ATP6V1A: variants seen among roughly 807,000 people sequenced by gnomAD.
The protein encoded by ATP6V1A is V-type proton ATPase catalytic subunit A.
Under a neutral mutation model 70.1 loss-of-function variants are expected in ATP6V1A, and 18 were observed. The observed-to-expected ratio is 0.26, with a 90% CI of 0.18 to 0.38. The LOEUF is 0.38. Among genes scored for constraint, ATP6V1A ranks in the 10% least tolerant of loss-of-function variants. The probability of loss-of-function intolerance (pLI) is 1.00; values close to 1 mark genes in which losing one functional copy is unlikely to be tolerated. For missense variants in ATP6V1A, 424 were observed against 772.4 expected (o/e 0.55, Z 5.35); for synonymous variants, 232 against 253.8 (o/e 0.91, Z 0.82).
At chr3:113,769,340 C>T (rs1403369848) in intron 1 of ATP6V1A, among the ~76,000 whole-genome samples, 2 of 152,000 alleles carry the variant, frequency 1.3e-5, no homozygotes, top group Non-Finnish European at 2.9e-5. Flanking sequence ...GGTTATAATC[C>T]ATTAGATTCT....
At chr3:113,808,544 G>A (rs374843801) in intron 14 of ATP6V1A, among the ~76,000 whole-genome samples, 83 of 151,908 alleles carry the variant, frequency 5.5e-4, no homozygotes, top group African/African-American at 1.7e-3. Context: ...CGCCTGCCTC[G>A]GCCCCCCAAA....
chr3:113,789,827 C>G lies in ATP6V1A; in HGVS notation c.975C>G (p.Ala325=), dbSNP rs1709073021. The change falls in exon 8 of 15, where the codon GCC becomes GCG. Residue 325 remains alanine (A), a synonymous_variant. Transcript: ENST00000273398. ...TSNMPVAARE[A]SIYTGITLSE... is the part of the protein sequence containing the mutation. ...ATATGCCTGTTGCTGCTAGAGAAGC[C>G]TCTATTTATACTGGTGAGTATATAA... is the stretch of plus-strand genomic sequence containing the variant. The G allele has an allele frequency of 6.3e-7, 1 of 1,599,978 alleles. No individual in the cohort carries two copies. The highest frequency in any genetic ancestry group is 8.6e-7 in the Non-Finnish European group (1 of 1,167,306).
chr3:113,762,454 G>A (rs898167959), intron 1 of ATP6V1A, among the ~76,000 whole-genome samples: 1 of 152,036 alleles, frequency 6.6e-6, no homozygotes, highest in Non-Finnish European at 1.5e-5. Context: ...TGTAATCCCA[G>A]CTACTCGGGA....
At chr3:113,790,397 C>T (rs1709078713) in intron 8 of ATP6V1A, among the ~76,000 whole-genome samples, 1 of 150,910 alleles carries the variant, frequency 6.6e-6, no homozygotes, top group Non-Finnish European at 1.5e-5. Context: ...TTTTTAATGA[C>T]TGTAAAATGA....
At chr3:113,754,549 AAAAAG>A (rs941146506) in intron 1 of ATP6V1A, among the ~76,000 whole-genome samples, 19 of 152,220 alleles carry the variant, frequency 1.2e-4, no homozygotes, top group African/African-American at 3.4e-4. Flanking sequence ...TAAGAAAAAA[AAAAAG>A]AAAAGAAAAA....
At chr3:113,755,057 C>T (rs1054365069) in intron 1 of ATP6V1A, among the ~76,000 whole-genome samples, 3 of 151,714 alleles carry the variant, frequency 2.0e-5, no homozygotes, top group African/African-American at 7.3e-5. Context: ...GTTTTTTTTA[C>T]AAGAGTTGGG....
chr3:113,781,056 C>T lies in ATP6V1A; in HGVS notation c.89C>T (p.Thr30Ile), dbSNP rs1404147770. 6.8e-6 allele frequency: 11 copies of T among 1,606,524 alleles called. No homozygotes were observed. The highest frequency in any genetic ancestry group is 7.6e-6 in the Non-Finnish European group (9 of 1,177,482). Reference sequence around the variant, plus strand: ...AGTCTTTTGTTCTCTTCAGTGGTTACAGCCTGTGACATGGCGGGTGCAGCC... The same window carrying T: ...AGTCTTTTGTTCTCTTCAGTGGTTATAGCCTGTGACATGGCGGGTGCAGCC... ...YVHGVSGPVV[T>I]ACDMAGAAMY... is the part of the protein sequence containing the mutation. The change falls in exon 3 of 15, where the codon ACA (threonine) becomes ATA (isoleucine). Residue 30 changes from threonine to isoleucine, a missense_variant. Physicochemically the swap from Thr to Ile is moderately conservative, Grantham distance 89 (BLOSUM62 -1). Around this residue, in one of 9 missense-constraint regions of ATP6V1A, gnomAD observed 31 missense variants for 78.6 expected, o/e 0.39. Transcript: ENST00000273398.
intron 1 of ATP6V1A, among the ~76,000 whole-genome samples, chr3:113,769,522 C>G (rs1708809343): frequency 6.6e-6 from 1 of 152,124 alleles, no homozygotes; most frequent in Non-Finnish European, 1.5e-5. Context: ...ACCTTGGAAT[C>G]TTAGTGTTTA....
At chr3:113,776,899 GTCTT>G (rs1708919974) in intron 1 of ATP6V1A, among the ~76,000 whole-genome samples, 1 of 152,188 alleles carries the variant, frequency 6.6e-6, no homozygotes, top group East Asian at 1.9e-4. Context: ...CCTCTGCAGT[GTCTT>G]TGCTACCTTT....
intron 1 of ATP6V1A, among the ~76,000 whole-genome samples, chr3:113,775,308 C>A (rs1708896705): frequency 6.7e-6 from 1 of 149,514 alleles, no homozygotes; most frequent in South Asian, 2.1e-4. Flanking sequence ...TGGCTCACTG[C>A]AACCTCCTCC....
chr3:113,804,204 G>T (rs1237712466), intron 13 of ATP6V1A, among the ~76,000 whole-genome samples: 3 of 151,688 alleles, frequency 2.0e-5, no homozygotes, highest in African/African-American at 7.3e-5. Flanking sequence ...TGTTGCCCAG[G>T]CTGGTCTCCA....
chr3:113,753,548 A>G (rs1449776898), intron 1 of ATP6V1A, among the ~76,000 whole-genome samples: 1 of 152,202 alleles, frequency 6.6e-6, no homozygotes, highest in Non-Finnish European at 1.5e-5. Context: ...AACAAAGGGA[A>G]TGCCTGTTAA....
intron 1 of ATP6V1A, among the ~76,000 whole-genome samples, chr3:113,766,675 C>G (rs1178587796): frequency 6.6e-6 from 1 of 152,198 alleles, no homozygotes; most frequent in African/African-American, 2.4e-5. Context: ...AAAGGCCTCA[C>G]TTCCTAATAC....
intron 8 of ATP6V1A, among the ~76,000 whole-genome samples, chr3:113,791,396 T>C (rs1455017026): frequency 1.7e-5 from 1 of 57,814 alleles, no homozygotes; most frequent in East Asian, 5.7e-4. Context: ...TTATTAGGGT[T>C]TTTTTTTTTT....
At chr3:113,767,444 CTA>C (rs1050439942) in intron 1 of ATP6V1A, among the ~76,000 whole-genome samples, 44 of 152,076 alleles carry the variant, frequency 2.9e-4, no homozygotes, top group African/African-American at 1.0e-3. Context: ...GTATAAGACA[CTA>C]TGCCATATGG....
At chr3:113,748,385 G>A (rs1708548013) in intron 1 of ATP6V1A, among the ~76,000 whole-genome samples, 1 of 152,118 alleles carries the variant, frequency 6.6e-6, no homozygotes, top group South Asian at 2.1e-4. Context: ...TCAATTGAAG[G>A]TCTTACGAAT....
chr3:113,762,301 GC>G (rs1429182586), intron 1 of ATP6V1A, among the ~76,000 whole-genome samples: 50 of 151,774 alleles, frequency 3.3e-4, no homozygotes, highest in South Asian at 2.5e-3. Flanking sequence ...GGGCACAGCA[GC>G]TCACGCCTGT....
chr3:113,782,579 TATATACAC>T (rs1708990757), intron 3 of ATP6V1A, among the ~76,000 whole-genome samples: 2 of 146,740 alleles, frequency 1.4e-5, no homozygotes, highest in African/African-American at 5.0e-5. Context: ...TATACGTATA[TATATACAC>T]ATATATATAT....
intron 1 of ATP6V1A, among the ~76,000 whole-genome samples, chr3:113,775,622 G>A (rs1368341076): frequency 1.3e-5 from 2 of 152,196 alleles, no homozygotes; most frequent in East Asian, 3.8e-4. Flanking sequence ...GATATTAAGA[G>A]ATTTTGATTT....
Sources: gnomAD v4.1 joint callset for allele counts (sites outside exome capture counted in the v4.1 genomes callset) on GRCh38, gnomAD v4.1.1 for gene constraint, gnomAD v4.1.1 regional missense constraint, MANE v1.5 for transcripts, NCBI Gene and HGNC (gene_info 2026-07-23, HGNC 2026-07-21) for gene names.